Variants in TMTC2 observed in about 807,000 individuals in gnomAD.
The protein encoded by TMTC2 is protein O-mannosyl-transferase TMTC2.
TMTC2 carries 43 observed loss-of-function variants against 82.4 expected under a neutral mutation model. The observed-to-expected ratio is 0.52, with a 90% CI of 0.41 to 0.67. TMTC2 has a LOEUF of 0.67. Among genes scored for constraint, TMTC2 ranks in the 30% least tolerant of loss-of-function variants. The probability of loss-of-function intolerance (pLI) is 0.00; values close to 1 mark genes in which losing one functional copy is unlikely to be tolerated. For missense variants in TMTC2, 919 were observed against 1,012.4 expected (o/e 0.91, Z 1.25); for synonymous variants, 408 against 381.9 (o/e 1.07, Z -0.80).
intron 9 of TMTC2, among the ~76,000 whole-genome samples, chr12:83,038,927 G>GTTTTTTTTTTTTTTTTTTTT (rs537630267): frequency 9.2e-6 from 1 of 109,108 alleles, no homozygotes; most frequent in Non-Finnish European, 1.8e-5. Context: ...AAGCACCTTG[G>GTTTTTTTTTTTTTTTTTTTT]TTTTTTTTTT....
At chr12:82,831,585 T>A (rs1869750613) in intron 1 of TMTC2, among the ~76,000 whole-genome samples, 1 of 152,140 alleles carries the variant, frequency 6.6e-6, no homozygotes, top group African/African-American at 2.4e-5. Context: ...TTGTGGGTGA[T>A]CTTCATCTTC....
At chr12:83,023,582 C>G (rs1881031905) in intron 8 of TMTC2, among the ~76,000 whole-genome samples, 1 of 152,224 alleles carries the variant, frequency 6.6e-6, no homozygotes, top group African/African-American at 2.4e-5. Context: ...CTGACACCAC[C>G]TTACAGCCTG....
At chr12:82,952,275 G>A (rs1255902297) in intron 4 of TMTC2, among the ~76,000 whole-genome samples, 2 of 151,970 alleles carry the variant, frequency 1.3e-5, no homozygotes, top group African/African-American at 2.4e-5. Context: ...TGATGTCTAG[G>A]AACTTAATTT....
chr12:83,017,073 T>G (rs989343717), intron 8 of TMTC2, among the ~76,000 whole-genome samples: 8 of 152,200 alleles, frequency 5.3e-5, no homozygotes, highest in African/African-American at 9.7e-5. Context: ...GGAAACTTAA[T>G]TATGCCTAGC....
intron 4 of TMTC2, among the ~76,000 whole-genome samples, chr12:82,933,282 C>A (rs1876142352): frequency 6.6e-6 from 1 of 151,806 alleles, no homozygotes; most frequent in Non-Finnish European, 1.5e-5. Context: ...CATTTTAAAT[C>A]AAATATTTTA....
At chr12:83,023,200 C>G (rs1046165185) in intron 8 of TMTC2, among the ~76,000 whole-genome samples, 1 of 152,154 alleles carries the variant, frequency 6.6e-6, no homozygotes, top group Admixed American at 6.5e-5. Context: ...ATTGAATTCT[C>G]TCTTTATTTG....
intron 11 of TMTC2, among the ~76,000 whole-genome samples, chr12:83,121,016 T>G (rs1341483840): frequency 6.6e-6 from 1 of 152,222 alleles, no homozygotes; most frequent in African/African-American, 2.4e-5. Context: ...TTATTGTTCT[T>G]TACTTATGCT....
intron 1 of TMTC2, among the ~76,000 whole-genome samples, chr12:82,754,537 C>T (rs1044897355): frequency 2.6e-5 from 4 of 152,020 alleles, no homozygotes; most frequent in Non-Finnish European, 5.9e-5. Flanking sequence ...GAGTTCGAGA[C>T]CAGCCTGCCC....
chr12:82,774,705 G>A (rs529229245), intron 1 of TMTC2, among the ~76,000 whole-genome samples: 140 of 147,066 alleles, frequency 9.5e-4, no homozygotes, highest in Non-Finnish European at 1.6e-3. Flanking sequence ...CTTTCATCTC[G>A]TATCTTAGAT....
intron 1 of TMTC2, among the ~76,000 whole-genome samples, chr12:82,753,146 G>A (rs190880159): frequency 1.1e-3 from 163 of 152,018 alleles, no homozygotes; most frequent in Non-Finnish European, 1.6e-3. Context: ...TATATGAGGC[G>A]GTCCTTTCAG....
chr12:82,945,729 G>T (rs952820698), intron 4 of TMTC2, among the ~76,000 whole-genome samples: 8 of 152,164 alleles, frequency 5.3e-5, no homozygotes, highest in Non-Finnish European at 1.2e-4. Context: ...TCAGTCCTCT[G>T]CAGATTTCCA....
At chr12:83,131,913 A>G (rs747106174) in intron 11 of TMTC2, among the ~76,000 whole-genome samples, 3 of 152,298 alleles carry the variant, frequency 2.0e-5, no homozygotes, top group Non-Finnish European at 4.4e-5. Context: ...TTTCTCAAAT[A>G]GTACCATCTG....
intron 2 of TMTC2, among the ~76,000 whole-genome samples, chr12:82,886,375 C>T (rs924914876): frequency 1.3e-5 from 2 of 152,156 alleles, no homozygotes; most frequent in African/African-American, 4.8e-5. Flanking sequence ...AGGAAAATAT[C>T]TTTCAAGTAT....
At chr12:82,714,658 G>A (rs923184874) in intron 1 of TMTC2, among the ~76,000 whole-genome samples, 6 of 151,842 alleles carry the variant, frequency 4.0e-5, no homozygotes, top group East Asian at 1.9e-4. Flanking sequence ...ATTTTCCTTC[G>A]CTTCCTCTCT....
At chr12:82,766,435 C>A (rs1444685004) in intron 1 of TMTC2, among the ~76,000 whole-genome samples, 1 of 152,156 alleles carries the variant, frequency 6.6e-6, no homozygotes, top group Non-Finnish European at 1.5e-5. Context: ...TGATCCTTCC[C>A]AAAGCCTGGA....
At chr12:82,999,483 A>G (rs769107912) in intron 8 of TMTC2, among the ~76,000 whole-genome samples, 1 of 152,232 alleles carries the variant, frequency 6.6e-6, no homozygotes, top group Non-Finnish European at 1.5e-5. Flanking sequence ...CGCTGCTGAT[A>G]AAGACACTCC....
At chr12:82,819,406 T>C (rs1868944252) in intron 1 of TMTC2, among the ~76,000 whole-genome samples, 2 of 151,904 alleles carry the variant, frequency 1.3e-5, no homozygotes, top group South Asian at 2.1e-4. Context: ...TTATAGATAA[T>C]CTCCAGTTTA....
At chr12:82,768,461 A>T (rs1410129126) in intron 1 of TMTC2, among the ~76,000 whole-genome samples, 1 of 152,186 alleles carries the variant, frequency 6.6e-6, no homozygotes, top group Admixed American at 6.5e-5. Flanking sequence ...GTTATGCTAA[A>T]TAGTGTGCGT....
At chr12:82,760,957 A>G (rs1467262437) in intron 1 of TMTC2, 4 of 209,664 alleles carry the variant, frequency 1.9e-5, no homozygotes, top group Non-Finnish European at 3.8e-5. Flanking sequence ...TAATTATTTT[A>G]TTATATATTA....
Sources: allele counts gnomAD v4.1 joint callset (sites outside exome capture counted in the v4.1 genomes callset), GRCh38; gene constraint gnomAD v4.1.1; transcripts MANE v1.5; gene names NCBI Gene and HGNC (gene_info 2026-07-23, HGNC 2026-07-21).